The following RHBDF2 variants were observed in gnomAD, a reference collection of about 807,000 sequenced individuals.
The protein encoded by RHBDF2 is rhomboid 5 homolog 2, also known as inactive rhomboid protein 2.
Under a neutral mutation model 95.2 loss-of-function variants are expected in RHBDF2, and 38 were observed. That is an observed-to-expected ratio of 0.40 (90% CI 0.31 to 0.52). The LOEUF is 0.52. Ranked by LOEUF, RHBDF2 falls within the 20% of genes least tolerant of loss-of-function variation. The pLI is 0.56. For synonymous variants in RHBDF2, 442 were observed against 462.0 expected (o/e 0.96, Z 0.55); for missense variants, 863 against 1,137.7 (o/e 0.76, Z 3.47).
Position 76,474,218 on chromosome 17 carries a change from T to C in RHBDF2, c.1465-76A>G, listed in dbSNP as rs2073687789. The C allele has an allele frequency of 6.7e-6, 9 of 1,338,444 alleles. No individual in the cohort carries two copies. In the African/African-American group the frequency reaches 1.0e-4, roughly 15 times the overall value. 82.9% of individuals were successfully genotyped at this position (1,338,444 alleles called of 1,614,324 possible). ...ACTGGAGTGGGCAAGGACAGAGGCT[T>C]TTCCCATCTCCCCAGGGCTCAGTCT... is the stretch of plus-strand genomic sequence containing the variant. On this transcript the variant is annotated intron_variant, in intron 12 of 18. Coordinates refer to ENST00000675367, the MANE Select transcript of RHBDF2 (RefSeq NM_001005498.4).
At chr17:76,492,673 C>G (rs867702257) in intron 1 of RHBDF2, among the ~76,000 whole-genome samples, 1 of 152,220 alleles carries the variant, frequency 6.6e-6, no homozygotes, top group East Asian at 1.9e-4. Context: ...TCCCCACCCC[C>G]ACACAAGTGG....
At chr17:76,497,359 G>A (rs1325648450) in intron 1 of RHBDF2, among the ~76,000 whole-genome samples, 1 of 152,114 alleles carries the variant, frequency 6.6e-6, no homozygotes, top group African/African-American at 2.4e-5. Flanking sequence ...AAAACCCCTG[G>A]GCAGAGGTCA....
chr17:76,474,297 C>G (rs982710501), intron 12 of RHBDF2, 76 bp downstream of exon 12: 8 of 1,529,620 alleles, frequency 5.2e-6, no homozygotes, highest in Middle Eastern at 1.9e-4. Context: ...GTGGTCACTG[C>G]CCTTGAAGGA....
intron 1 of RHBDF2, among the ~76,000 whole-genome samples, chr17:76,498,422 A>C (rs2074483815): frequency 6.6e-6 from 1 of 152,138 alleles, no homozygotes; most frequent in South Asian, 2.1e-4. Flanking sequence ...GAGAGTGTGG[A>C]GGGGGAGAGG....
Position 76,473,123 on chromosome 17 carries a change from G to A in RHBDF2, c.1810-18C>T, listed in dbSNP as rs1210735964. 6.2e-7 allele frequency: 1 copy of A among 1,607,582 alleles called. No individual in the cohort carries two copies. Among genetic ancestry groups the A allele is most frequent in the East Asian group, 2.2e-5 (1 of 44,852 alleles). On this transcript the variant is annotated intron_variant, in intron 16 of 18. Transcript: ENST00000675367. ...CAGTGCACCTGGGAGTGGGCATATG[G>A]TGCTCAGCGCCCCAGAAGCAGGCTG... is the stretch of plus-strand genomic sequence containing the variant.
rs1033527721 is a variant in RHBDF2, at chr17:76,471,102, A to C, written c.*531T>G. The C allele has an allele frequency of 1.3e-5, 2 of 158,470 alleles. No homozygotes were observed. The highest frequency in any genetic ancestry group is 2.4e-5 in the African/African-American group (1 of 41,560). 9.8% of individuals were successfully genotyped at this position (158,470 alleles called of 1,614,324 possible). ...CTCCCCCCTTGTTCTCTGCCCCCAG[A>C]CCATGGCCAAAGCCTTTCCCACAAT... On this transcript the variant is annotated 3_prime_UTR_variant, in exon 19 of 19. Transcript: ENST00000675367.
At position 76,477,794 on chromosome 17, in the gene RHBDF2, G is replaced by C; in HGVS notation, c.673-9C>G. ...TCCAGCACCGAGCGCCCCTGTGCAC[G>C]GGCAGAGGCACAGCCATCAGGACCA... is the stretch of plus-strand genomic sequence containing the variant. On this transcript the variant is annotated splice_polypyrimidine_tract_variant and intron_variant, in intron 6 of 18. Coordinates refer to ENST00000675367, the MANE Select transcript of RHBDF2 (RefSeq NM_001005498.4). 1 of 1,608,046 alleles carries C rather than the reference G, an allele frequency of 6.2e-7. No homozygotes were observed. Among genetic ancestry groups the C allele is most frequent in the Non-Finnish European group, 8.5e-7 (1 of 1,179,736 alleles).
intron 1 of RHBDF2, among the ~76,000 whole-genome samples, chr17:76,494,487 C>T (rs1263124425): frequency 6.6e-6 from 1 of 152,180 alleles, no homozygotes; most frequent in African/African-American, 2.4e-5. Flanking sequence ...CACAGTGGCT[C>T]ACACCTGTAA....
intron 1 of RHBDF2, among the ~76,000 whole-genome samples, chr17:76,498,515 G>A (rs2074487393): frequency 6.6e-6 from 1 of 152,226 alleles, no homozygotes; most frequent in Admixed American, 6.5e-5. Context: ...AGCCAGCTGA[G>A]CCATGCCACT....
chr17:76,474,545 G>C lies in RHBDF2; in HGVS notation c.1303-11C>G. 6.2e-7 allele frequency: 1 copy of C among 1,614,070 alleles called. No individual in the cohort carries two copies. Among genetic ancestry groups the C allele is most frequent in the Non-Finnish European group, 8.5e-7 (1 of 1,179,940 alleles). ...GTGGATCAGGTCAATCTGGGGAAGG[G>C]AAAGGGAGGGGAGAGAGTGAGTTTG... On this transcript the variant is annotated splice_polypyrimidine_tract_variant and intron_variant, in intron 11 of 18. Coordinates refer to ENST00000675367, the MANE Select transcript of RHBDF2 (RefSeq NM_001005498.4).
chr17:76,473,433 G>A (rs1399815609), intron 15 of RHBDF2, 106 bp from the exon 16 acceptor site: 1 of 1,102,610 alleles, frequency 9.1e-7, no homozygotes, highest in Non-Finnish European at 1.3e-6. Flanking sequence ...CTGGCAGGAA[G>A]GGGGATGCCG....
chr17:76,477,048 C>T, intron 8 of RHBDF2, 24 bp from the exon 9 acceptor site: 1 of 1,611,838 alleles, frequency 6.2e-7, no homozygotes, highest in Non-Finnish European at 8.5e-7. Context: ...TGGCTTTCAG[C>T]CTGAATCCCC....
chr17:76,475,208 GC>G, intron 9 of RHBDF2, 67 bp from the exon 10 acceptor site: 1 of 1,180,572 alleles, frequency 8.5e-7, no homozygotes, highest in Non-Finnish European at 1.2e-6. Context: ...CGGCCACAGG[GC>G]CACCCTGGCC....
chr17:76,479,698 T>TGGGG (rs1338548642), intron 4 of RHBDF2, 35 bp downstream of exon 4: 1 of 1,479,716 alleles, frequency 6.8e-7, no homozygotes, highest in Admixed American at 1.7e-5. Context: ...GGTTGCTGGG[T>TGGGG]GGGGGGTGCT....
At position 76,476,996 on chromosome 17, in the gene RHBDF2, C is replaced by CGGGG; in HGVS notation, c.945_948dup (p.Gly317ProfsTer19). On this transcript the variant is annotated frameshift_variant, in exon 9 of 19. Coordinates refer to ENST00000675367, the MANE Select transcript of RHBDF2 (RefSeq NM_001005498.4). LOFTEE classifies it high-confidence loss of function. ...GCGATGCGCTTGCCGCGCCGGGGCC[C>CGGGG]GGGGACTGGGGCTCGGCCATACTCC... is the stretch of plus-strand genomic sequence containing the variant. 6.2e-7 allele frequency: 1 copy of CGGGG among 1,613,832 alleles called. No homozygotes were observed. The highest frequency in any genetic ancestry group is 8.5e-7 in the Non-Finnish European group (1 of 1,180,020).
At chr17:76,496,144 C>T (rs985075678) in intron 1 of RHBDF2, among the ~76,000 whole-genome samples, 2 of 152,154 alleles carry the variant, frequency 1.3e-5, no homozygotes, top group African/African-American at 4.8e-5. Flanking sequence ...TGGGTTGATG[C>T]CCCACCACGG....
In RHBDF2 at chr17:76,474,452, C is replaced by T. The variant is rs757226326; in HGVS notation, c.1385G>A (p.Arg462Gln). 15 of 1,613,988 alleles carry T rather than the reference C, an allele frequency of 9.3e-6. 1 individual carries two copies. Among genetic ancestry groups the T allele is most frequent in the South Asian group, 6.6e-5 (6 of 91,092 alleles). ...GQIEQLVLRE[R>Q]DLERDSGCCV... The stretch of plus-strand genomic sequence containing the variant: ...GCAGCCTGAGTCCCGCTCCAGGTCT[C>T]GCTCGCGCAGCACCAGCTGCTCGAT... Residue 462 changes from arginine (R) to glutamine (Q), a missense_variant, in exon 12 of 19, where the codon CGA (arginine) becomes CAA (glutamine). By Grantham distance (43) the Arg-to-Gln change is conservative. This residue lies in a region of RHBDF2 where 611 missense variants were observed against 725.5 expected (regional missense o/e 0.84). Transcript: ENST00000675367.
chr17:76,474,300 T>G (rs1263233444), intron 12 of RHBDF2, 73 bp downstream of exon 12: 2 of 1,550,754 alleles, frequency 1.3e-6, no homozygotes, highest in Non-Finnish European at 1.8e-6. Context: ...GTCACTGCCC[T>G]TGAAGGACAG....
intron 18 of RHBDF2, 136 bp from the exon 19 acceptor site, chr17:76,472,188 G>A (rs1346635632): frequency 4.9e-6 from 4 of 822,110 alleles, no homozygotes; most frequent in South Asian, 3.6e-5. Flanking sequence ...GCAGGGGGTC[G>A]GCTGGAGCTG....
Sources: gnomAD v4.1 joint callset for allele counts (sites outside exome capture counted in the v4.1 genomes callset) on GRCh38, gnomAD v4.1.1 for gene constraint, gnomAD v4.1.1 regional missense constraint, MANE v1.5 for transcripts, NCBI Gene and HGNC (gene_info 2026-07-23, HGNC 2026-07-21) for gene names.